Variants in TEC observed in about 807,000 individuals in gnomAD.
The protein encoded by TEC is tec protein tyrosine kinase, also known as tyrosine-protein kinase Tec.
In TEC, 72 loss-of-function variants were observed where a neutral mutation model predicts 93.0. That is an observed-to-expected ratio of 0.77 (90% CI 0.64 to 0.94). The LOEUF (loss-of-function observed/expected upper bound fraction) is 0.94. Ranked by LOEUF, TEC falls within the 40% of genes least tolerant of loss-of-function variation. The pLI is 0.00. For missense variants in TEC, 630 were observed against 757.9 expected (o/e 0.83, Z 1.98); for synonymous variants, 249 against 247.7 (o/e 1.01, Z -0.05).
intron 7 of TEC, among the ~76,000 whole-genome samples, chr4:48,165,565 A>C (rs564281993): frequency 6.6e-5 from 10 of 152,124 alleles, no homozygotes; most frequent in African/African-American, 2.4e-4. Context: ...TGAACCACTA[A>C]GCAATCTTAG....
intron 13 of TEC, 27 bp from the exon 14 acceptor site, chr4:48,145,322 A>G: frequency 6.2e-7 from 1 of 1,611,832 alleles, no homozygotes; most frequent in Non-Finnish European, 8.5e-7. Context: ...ATATATAGTT[A>G]CTATAGGAAA....
intron 9 of TEC, among the ~76,000 whole-genome samples, chr4:48,153,702 C>T (rs1164626219): frequency 1.3e-5 from 2 of 152,090 alleles, no homozygotes; most frequent in Admixed American, 6.6e-5. Context: ...CCTAGGGAAC[C>T]CCTGGCTGCT....
At chr4:48,209,899 A>G (rs1373480841) in intron 2 of TEC, among the ~76,000 whole-genome samples, 5 of 152,206 alleles carry the variant, frequency 3.3e-5, no homozygotes, top group African/African-American at 7.2e-5. Context: ...TACAGTGGAA[A>G]TGTTTGAGAG....
intron 7 of TEC, 46 bp from the exon 8 acceptor site, chr4:48,163,813 G>T (rs1160319986): frequency 3.4e-6 from 3 of 893,476 alleles, no homozygotes; most frequent in South Asian, 1.8e-5. Context: ...TTACTGGGAG[G>T]TTATTGAAAG....
chr4:48,209,464 A>G (rs1292776638), intron 2 of TEC, among the ~76,000 whole-genome samples: 2 of 151,642 alleles, frequency 1.3e-5, no homozygotes, highest in African/African-American at 4.8e-5. Flanking sequence ...ATAACAAATA[A>G]TTAGTTGGGC....
At chr4:48,185,553 C>A (rs1721786664) in intron 2 of TEC, among the ~76,000 whole-genome samples, 1 of 152,120 alleles carries the variant, frequency 6.6e-6, no homozygotes. Flanking sequence ...ATTTTTTCCT[C>A]CCTTTAAACT....
intron 1 of TEC, 32 bp from the exon 2 acceptor site, chr4:48,228,691 A>G: frequency 6.6e-7 from 1 of 1,517,836 alleles, no homozygotes; most frequent in South Asian, 1.3e-5. Context: ...TTAAAATGTG[A>G]CAGTTTAATT....
chr4:48,204,950 C>T (rs764747037), intron 2 of TEC, among the ~76,000 whole-genome samples: 9 of 152,090 alleles, frequency 5.9e-5, no homozygotes, highest in Non-Finnish European at 1.2e-4. Context: ...TCAAACCTGG[C>T]GGTGGTCTTG....
At chr4:48,141,319 C>T in intron 15 of TEC, 36 bp downstream of exon 15, 1 of 1,591,698 alleles carries the variant, frequency 6.3e-7, no homozygotes, top group African/African-American at 1.3e-5. Context: ...CAAAAAAATG[C>T]AAACATCACC....
intron 2 of TEC, among the ~76,000 whole-genome samples, chr4:48,222,579 T>C (rs542218048): frequency 5.1e-4 from 77 of 152,180 alleles, no homozygotes; most frequent in Admixed American, 1.4e-3. Flanking sequence ...TTTGAATCTG[T>C]GGACTCAGGA....
chr4:48,217,532 G>A (rs1397353019), intron 2 of TEC, among the ~76,000 whole-genome samples: 2 of 152,186 alleles, frequency 1.3e-5, no homozygotes, highest in African/African-American at 4.8e-5. Context: ...TGATTTTTAA[G>A]TTTGTGGACT....
chr4:48,241,090 G>A (rs1254037478), intron 1 of TEC, among the ~76,000 whole-genome samples: 1 of 152,156 alleles, frequency 6.6e-6, no homozygotes, highest in African/African-American at 2.4e-5. Context: ...TTTGGAAAGT[G>A]TCTAATGACA....
intron 1 of TEC, among the ~76,000 whole-genome samples, chr4:48,240,931 C>T (rs1033890374): frequency 4.0e-5 from 6 of 151,528 alleles, no homozygotes; most frequent in Non-Finnish European, 7.4e-5. Flanking sequence ...GAAATGCCAG[C>T]CATTACATAC....
At chr4:48,207,999 C>A (rs207464680) in intron 2 of TEC, among the ~76,000 whole-genome samples, 1 of 152,144 alleles carries the variant, frequency 6.6e-6, no homozygotes, top group Non-Finnish European at 1.5e-5. Flanking sequence ...AGTCAACATG[C>A]CCACACCTAC....
chr4:48,194,278 T>G (rs1319013555), intron 2 of TEC, among the ~76,000 whole-genome samples: 1 of 152,228 alleles, frequency 6.6e-6, no homozygotes, highest in Non-Finnish European at 1.5e-5. Flanking sequence ...CCTGCTTATC[T>G]GATGTTAGTG....
rs564425769 is a variant in TEC at position 48,158,409 on chromosome 4, T to C, written c.738-1675A>G. Reference sequence around the variant, plus strand: ...TAAAATGAGACCAAGTTCAACAAAATTGCAGTTGTGATCAATACATTTCTG... The same window carrying C: ...TAAAATGAGACCAAGTTCAACAAAACTGCAGTTGTGATCAATACATTTCTG... On this transcript the variant is annotated intron_variant, in intron 8 of 17. Coordinates refer to ENST00000381501, the MANE Select transcript of TEC (RefSeq NM_003215.3). Among the ~76,000 whole-genome samples the C allele has an allele frequency of 2.0e-5, 3 of 152,278 alleles. No individual in the cohort carries two copies. The South Asian group carries it at 6.2e-4, about 32-fold the overall frequency.
chr4:48,255,137 T>C (rs1724306875), intron 1 of TEC, among the ~76,000 whole-genome samples: 1 of 152,196 alleles, frequency 6.6e-6, no homozygotes, highest in Non-Finnish European at 1.5e-5. Flanking sequence ...CGAGAAGTCC[T>C]GGCACAGCTG....
intron 8 of TEC, among the ~76,000 whole-genome samples, chr4:48,160,755 A>C (rs1415912680): frequency 6.8e-6 from 1 of 147,916 alleles, no homozygotes; most frequent in Non-Finnish European, 1.5e-5. Flanking sequence ...GAAAGAAAGA[A>C]AGAAAGAAAA....
intron 1 of TEC, among the ~76,000 whole-genome samples, chr4:48,251,700 T>A (rs1299425224): frequency 6.6e-6 from 1 of 152,152 alleles, no homozygotes; most frequent in South Asian, 2.1e-4. Flanking sequence ...CTAAGGAGTA[T>A]GCAAGTGGAA....
Sources: gnomAD v4.1 joint callset for allele counts (sites outside exome capture counted in the v4.1 genomes callset) on GRCh38, gnomAD v4.1.1 for gene constraint, MANE v1.5 for transcripts, NCBI Gene and HGNC (gene_info 2026-07-23, HGNC 2026-07-21) for gene names.